The following CSF2RA variants were observed in gnomAD, a reference collection of about 807,000 sequenced individuals.
CSF2RA encodes colony stimulating factor 2 receptor subunit alpha.
In CSF2RA, 42 loss-of-function variants were observed where a neutral mutation model predicts 51.6. That is an observed-to-expected ratio of 0.81 (90% CI 0.64 to 1.05). The LOEUF (loss-of-function observed/expected upper bound fraction) is 1.05. Among genes scored for constraint, CSF2RA ranks in the 50% least tolerant of loss-of-function variants. CSF2RA has a pLI of 0.00. For missense variants in CSF2RA, 530 were observed against 501.1 expected (o/e 1.06, Z -0.55); for synonymous variants, 222 against 193.0 (o/e 1.15, Z -1.24).
chrX:1,309,464 G>C lies in CSF2RA; in HGVS notation c.1188G>C (p.Val396=). Residue 396 remains valine, a synonymous_variant, in exon 13 of 13, where the codon GTG becomes GTC. Transcript: ENST00000381529. ...GCTACCGCGAAGAGGTCTTGACCGT[G>C]AAGGAAATTACCTGAGACCCAGAGG... ...GKGYREEVLT[V]KEIT The C allele has an allele frequency of 6.2e-7, 1 of 1,614,024 alleles. No individual in the cohort carries two copies. Among genetic ancestry groups the C allele is most frequent in the South Asian group, 1.1e-5 (1 of 91,084 alleles).
intron 2 of CSF2RA, among the ~76,000 whole-genome samples, chrX:1,276,436 T>C (rs1483498155): frequency 7.2e-5 from 11 of 151,916 alleles, no homozygotes; most frequent in African/African-American, 2.7e-4. Context: ...TGCAGTGGCA[T>C]GATCTTGGCT....
rs1246629697 is a variant in CSF2RA, at chrX:1,277,848, G to A, written c.-27+3030G>A. Among the ~76,000 whole-genome samples the A allele has an allele frequency of 6.0e-5, 9 of 149,930 alleles. No individual in the cohort carries two copies. The East Asian group carries it at 8.0e-4, about 13-fold the overall frequency. On this transcript the variant is annotated intron_variant, in intron 2 of 12. Coordinates refer to ENST00000381529, the MANE Select transcript of CSF2RA (RefSeq NM_172245.4). ...AAAAATTAGCCAGGCATGGTGGTGCGTGCCTGTAGTCCCAGCTACTCGGGA... is the reference window on the plus strand; with the variant it reads ...AAAAATTAGCCAGGCATGGTGGTGCATGCCTGTAGTCCCAGCTACTCGGGA...
chrX:1,307,692 G>A (rs2083771018), intron 12 of CSF2RA, among the ~76,000 whole-genome samples: 1 of 137,644 alleles, frequency 7.3e-6, no homozygotes, highest in African/African-American at 2.7e-5. Context: ...CGACTGATTA[G>A]ATGAGGCCCA....
chrX:1,304,130 C>T (rs759055501), intron 11 of CSF2RA, 111 bp downstream of exon 11: 123 of 1,032,134 alleles, frequency 1.2e-4, no homozygotes, highest in African/African-American at 1.2e-3. Flanking sequence ...CAGCCTTGGC[C>T]GGGCGTGTTG....
the CSF2RA span, among the ~76,000 whole-genome samples, chrX:1,323,930 C>A: frequency 6.6e-6 from 1 of 151,874 alleles, no homozygotes; most frequent in Admixed American, 6.6e-5. Context: ...AGGAGAATGG[C>A]GTGAACCCGG....
the CSF2RA span, among the ~76,000 whole-genome samples, chrX:1,322,437 TTG>T: frequency 4.5e-5 from 4 of 88,974 alleles, no homozygotes; most frequent in African/African-American, 9.5e-5. Context: ...CTGTGTGTGT[TTG>T]TTTTTTTTTT....
In CSF2RA at chrX:1,288,672, C is replaced by T. The variant is rs191934949; in HGVS notation, c.343+30C>T. 73 of 1,613,930 alleles carry T rather than the reference C, an allele frequency of 4.5e-5. No individual in the cohort carries two copies. The East Asian group carries it at 1.6e-3, about 34-fold the overall frequency. On this transcript the variant is annotated intron_variant, in intron 5 of 12. Transcript: ENST00000381529. ...GCAAGACAGCTCAGGGATCCGTTTA[C>T]AGCACTGGCCCCACCACCCCGCCAG...
At chrX:1,286,745 C>G (rs375366549) in intron 4 of CSF2RA, among the ~76,000 whole-genome samples, 1 of 152,144 alleles carries the variant, frequency 6.6e-6, no homozygotes, top group Admixed American at 6.6e-5. Context: ...GAGGCAGAGC[C>G]TATGTTACCG....
intron 10 of CSF2RA, chrX:1,303,407 G>T: frequency 4.7e-6 from 2 of 422,154 alleles, no homozygotes; most frequent in Non-Finnish European, 8.4e-6. Flanking sequence ...GGCTAATTTT[G>T]TATTTTTTTT....
At chrX:1,313,972 C>T (rs780617953), downstream of CSF2RA, among the ~76,000 whole-genome samples, 1 of 152,052 alleles carries the variant, frequency 6.6e-6, no homozygotes, top group East Asian at 1.9e-4. Context: ...GCCTGGGTGA[C>T]AGGGCGAGAT....
chrX:1,281,068 T>C (rs866166362), intron 2 of CSF2RA, among the ~76,000 whole-genome samples: 50 of 35,672 alleles, frequency 1.4e-3, no homozygotes, highest in African/African-American at 2.3e-3. Context: ...TCCTCCTCCT[T>C]CTCCTCCTCC....
chrX:1,282,898 C>A, intron 3 of CSF2RA, 119 bp downstream of exon 3: 1 of 891,384 alleles, frequency 1.1e-6, no homozygotes, highest in Non-Finnish European at 1.9e-6. Context: ...TATGAGGGAC[C>A]CAATAAGCAC....
intron 1 of CSF2RA, among the ~76,000 whole-genome samples, chrX:1,274,436 T>A (rs1332181592): frequency 1.3e-5 from 2 of 149,968 alleles, no homozygotes; most frequent in Non-Finnish European, 3.0e-5. Flanking sequence ...GCTATTCTCC[T>A]GCCACAGCCT....
the CSF2RA span, among the ~76,000 whole-genome samples, chrX:1,322,931 C>A: frequency 6.7e-6 from 1 of 149,276 alleles, no homozygotes; most frequent in Non-Finnish European, 1.5e-5. Context: ...AGATCGAGAC[C>A]ATCCTGGCTG....
At chrX:1,301,912 CTTTTTTT>C (rs1158872719) in intron 10 of CSF2RA, among the ~76,000 whole-genome samples, 1 of 103,624 alleles carries the variant, frequency 9.7e-6, no homozygotes. Context: ...GGCCCTCCCT[CTTTTTTT>C]TTTTTTTTTT....
At chrX:1,309,304 G>C (rs2084005102) in intron 12 of CSF2RA, 98 bp from the exon 13 acceptor site, 6 of 1,275,258 alleles carry the variant, frequency 4.7e-6, no homozygotes, top group Non-Finnish European at 4.6e-6. Flanking sequence ...AATAGAATGA[G>C]ACTCCGTCTC....
downstream of CSF2RA, among the ~76,000 whole-genome samples, chrX:1,310,975 T>C (rs760621488): frequency 6.6e-6 from 1 of 151,684 alleles, no homozygotes; most frequent in South Asian, 2.1e-4. Flanking sequence ...TGCCCGGGCA[T>C]GGTGGCTCAC....
chrX:1,282,905 G>A, intron 3 of CSF2RA, 126 bp downstream of exon 3: 2 of 868,924 alleles, frequency 2.3e-6, no homozygotes, highest in Non-Finnish European at 4.0e-6. Flanking sequence ...GACCCAATAA[G>A]CACCAGCCAA....
chrX:1,283,867 C>G (rs184503131), intron 3 of CSF2RA, among the ~76,000 whole-genome samples: 116 of 152,150 alleles, frequency 7.6e-4, no homozygotes, highest in African/African-American at 1.9e-3. Flanking sequence ...CCACACCCAG[C>G]CTCTTGTTTG....
Sources: gnomAD v4.1 joint callset for allele counts (sites outside exome capture counted in the v4.1 genomes callset) on GRCh38, gnomAD v4.1.1 for gene constraint, MANE v1.5 for transcripts, NCBI Gene and HGNC (gene_info 2026-07-23, HGNC 2026-07-21) for gene names.